The following GRID2 variants were observed in gnomAD, a reference collection of about 807,000 sequenced individuals.
The protein encoded by GRID2 is glutamate ionotropic receptor delta type subunit 2.
A neutral mutation model predicts 114.8 loss-of-function variants in GRID2; 33 were observed. The observed-to-expected ratio is 0.29, with a 90% CI of 0.22 to 0.38. The LOEUF (loss-of-function observed/expected upper bound fraction) is 0.38. Among genes scored for constraint, GRID2 ranks in the 10% least tolerant of loss-of-function variants. The probability of loss-of-function intolerance (pLI) is 1.00; values close to 1 mark genes in which losing one functional copy is unlikely to be tolerated. For synonymous variants in GRID2, 505 were observed against 449.9 expected, an observed-to-expected ratio of 1.12 and a Z score of -1.55; for missense variants, 1,184 against 1,257.7, an observed-to-expected ratio of 0.94 and a Z score of 0.89.
At chr4:93,154,480 T>G (rs1008569150) in intron 4 of GRID2, among the ~76,000 whole-genome samples, 4 of 152,038 alleles carry the variant, frequency 2.6e-5, no homozygotes, top group Non-Finnish European at 5.9e-5. Context: ...GGTTAAATAT[T>G]TTGAATACCA....
At chr4:92,755,763 T>C (rs1737685945) in intron 2 of GRID2, among the ~76,000 whole-genome samples, 1 of 152,198 alleles carries the variant, frequency 6.6e-6, no homozygotes, top group African/African-American at 2.4e-5. Flanking sequence ...GAATCTTGCA[T>C]TTAATTTTAT....
intron 11 of GRID2, among the ~76,000 whole-genome samples, chr4:93,478,438 CCTT>C (rs1166705783): frequency 1.7e-4 from 26 of 151,750 alleles, no homozygotes; most frequent in African/African-American, 6.0e-4. Context: ...AAGATCGTCT[CCTT>C]CTGTAGGAAG....
intron 2 of GRID2, among the ~76,000 whole-genome samples, chr4:92,688,341 C>T (rs182991299): frequency 7.2e-5 from 11 of 152,072 alleles, no homozygotes; most frequent in African/African-American, 1.9e-4. Flanking sequence ...TGAGCCACCA[C>T]GCCCGGCCAA....
In GRID2 at chr4:93,680,840, A is replaced by C. The variant is rs1038337351; in HGVS notation, c.2360+54405A>C. Among the ~76,000 whole-genome samples the C allele has an allele frequency of 3.1e-3, 476 of 152,188 alleles. 2 individuals carry two copies. Among genetic ancestry groups the C allele is most frequent in the Non-Finnish European group, 4.8e-3 (329 of 67,994 alleles). ...CCAATATCATACTGAATGGGCAAAAACTGGAAGCATTCCCTTTGAAAACTG... is the reference window on the plus strand; with the variant it reads ...CCAATATCATACTGAATGGGCAAAACCTGGAAGCATTCCCTTTGAAAACTG... On this transcript the variant is annotated intron_variant, in intron 14 of 15. Coordinates refer to ENST00000282020, the MANE Select transcript of GRID2 (RefSeq NM_001510.4).
At chr4:92,344,986 C>T (rs968652197) in intron 1 of GRID2, among the ~76,000 whole-genome samples, 7 of 152,166 alleles carry the variant, frequency 4.6e-5, no homozygotes, top group African/African-American at 1.7e-4. Flanking sequence ...CCACCTGTCA[C>T]CCAAGTAGTG....
chr4:93,210,136 C>T (rs1328004632), intron 5 of GRID2, among the ~76,000 whole-genome samples: 1 of 151,938 alleles, frequency 6.6e-6, no homozygotes, highest in Non-Finnish European at 1.5e-5. Context: ...GCTTTTGTTG[C>T]AATTGCTTTT....
At chr4:93,185,519 A>G (rs930820074) in intron 4 of GRID2, among the ~76,000 whole-genome samples, 1 of 152,200 alleles carries the variant, frequency 6.6e-6, no homozygotes, top group Non-Finnish European at 1.5e-5. Context: ...GCTTTCCTTT[A>G]TAAGAGATAT....
At chr4:92,445,230 G>T (rs1452105137) in intron 1 of GRID2, among the ~76,000 whole-genome samples, 1 of 152,164 alleles carries the variant, frequency 6.6e-6, no homozygotes, top group African/African-American at 2.4e-5. Context: ...GCAAGTAGCA[G>T]ATGGGTAATT....
Position 93,500,137 on chromosome 4 carries a change from C to T in GRID2, c.1997+9360C>T, listed in dbSNP as rs138942170. Among the ~76,000 whole-genome samples, 871 of 152,058 alleles carry T rather than the reference C, an allele frequency of 5.7e-3. 1 individual carries two copies. Among genetic ancestry groups the T allele is most frequent in the South Asian group, 0.011 (54 of 4,814 alleles). On this transcript the variant is annotated intron_variant, in intron 12 of 15. Coordinates refer to ENST00000282020, the MANE Select transcript of GRID2 (RefSeq NM_001510.4). ...AGTTATGTGGTATGCAAGTCAGTAACGGGAGACTGGATTCAAACAAATCTG... is the reference window on the plus strand; with the variant it reads ...AGTTATGTGGTATGCAAGTCAGTAATGGGAGACTGGATTCAAACAAATCTG...
chr4:92,737,857 T>A (rs1452936280), intron 2 of GRID2, among the ~76,000 whole-genome samples: 1 of 152,114 alleles, frequency 6.6e-6, no homozygotes, highest in Non-Finnish European at 1.5e-5. Context: ...ACTATAGAAA[T>A]CTATTCAGAG....
intron 14 of GRID2, among the ~76,000 whole-genome samples, chr4:93,757,831 C>T (rs2110300824): frequency 6.6e-6 from 1 of 152,220 alleles, no homozygotes; most frequent in South Asian, 2.1e-4. Flanking sequence ...GTAGTGGGTG[C>T]CTGTAATCCC....
rs1003739020 is a variant in GRID2 at position 93,555,109 on chromosome 4, C to T, written c.2193+39698C>T. Among the ~76,000 whole-genome samples, 6 of 152,144 alleles carry T rather than the reference C, an allele frequency of 3.9e-5. 1 individual carries two copies. The highest frequency in any genetic ancestry group is 7.4e-5 in the Non-Finnish European group (5 of 68,026). On this transcript the variant is annotated intron_variant, in intron 13 of 15. Coordinates refer to ENST00000282020, the MANE Select transcript of GRID2 (RefSeq NM_001510.4). ...TATGCTTTTCCCACGGTCTTCGCAA[C>T]CTGCAGACCAGGAGATTCCCTCGGG...
intron 2 of GRID2, among the ~76,000 whole-genome samples, chr4:92,970,335 A>C (rs563359249): frequency 6.6e-6 from 1 of 152,054 alleles, no homozygotes; most frequent in East Asian, 1.9e-4. Context: ...CCAAAGCAAA[A>C]CAGGATATAT....
intron 2 of GRID2, among the ~76,000 whole-genome samples, chr4:92,609,625 T>TTA (rs558362926): frequency 1.6e-4 from 23 of 142,392 alleles, no homozygotes; most frequent in South Asian, 4.5e-4. Flanking sequence ...ATAATATATA[T>TTA]TATATATATA....
At chr4:92,661,589 A>G (rs575746184) in intron 2 of GRID2, among the ~76,000 whole-genome samples, 1 of 151,048 alleles carries the variant, frequency 6.6e-6, no homozygotes, top group African/African-American at 2.4e-5. Flanking sequence ...ATATTTGTTA[A>G]ATTCCCAAAT....
At chr4:92,762,062 G>A (rs1738039045) in intron 2 of GRID2, among the ~76,000 whole-genome samples, 1 of 151,918 alleles carries the variant, frequency 6.6e-6, no homozygotes, top group Admixed American at 6.6e-5. Context: ...CTGAGGGCAT[G>A]TACCACCACA....
intron 1 of GRID2, among the ~76,000 whole-genome samples, chr4:92,509,511 A>G (rs1253314034): frequency 6.6e-6 from 1 of 151,970 alleles, no homozygotes; most frequent in African/African-American, 2.4e-5. Flanking sequence ...ACAGACATAA[A>G]TGCTTGTTCT....
intron 2 of GRID2, among the ~76,000 whole-genome samples, chr4:92,699,353 A>T (rs896933807): frequency 1.3e-5 from 2 of 152,186 alleles, no homozygotes; most frequent in Non-Finnish European, 2.9e-5. Flanking sequence ...AAGGGCAGTT[A>T]AAAGCTCAAT....
chr4:92,417,134 G>A (rs961971255), intron 1 of GRID2, among the ~76,000 whole-genome samples: 3 of 151,926 alleles, frequency 2.0e-5, no homozygotes, highest in Admixed American at 6.6e-5. Context: ...ATAATTGTCT[G>A]CAAGTTTATA....
Sources: allele counts gnomAD v4.1 joint callset (sites outside exome capture counted in the v4.1 genomes callset), GRCh38; gene constraint gnomAD v4.1.1; transcripts MANE v1.5; gene names NCBI Gene and HGNC (gene_info 2026-07-23, HGNC 2026-07-21).